The following PDE11A variants were observed in gnomAD, a reference collection of about 807,000 sequenced individuals.
PDE11A encodes dual 3',5'-cyclic-AMP and -GMP phosphodiesterase 11A.
Under a neutral mutation model 100.5 loss-of-function variants are expected in PDE11A, and 100 were observed. The observed-to-expected ratio is 1.00, with a 90% confidence interval of 0.85 to 1.18. The LOEUF (loss-of-function observed/expected upper bound fraction) is 1.18, where lower values mean the gene tolerates loss of function less well. PDE11A is among the 50% of genes most tolerant of loss of function. The pLI, the probability that PDE11A is intolerant of heterozygous loss-of-function variation, is 0.00. For missense variants in PDE11A, 1,141 were observed against 1,152.6 expected, an observed-to-expected ratio of 0.99 and a Z score of 0.15; for synonymous variants, 381 against 420.8, an observed-to-expected ratio of 0.91 and a Z score of 1.16.
chr2:177,762,552 C>T (rs979655854), intron 10 of PDE11A, among the ~76,000 whole-genome samples: 2 of 152,106 alleles, frequency 1.3e-5, no homozygotes, highest in African/African-American at 4.8e-5. Context: ...GACTTGTCGC[C>T]GCTTTGTTCC....
chr2:177,795,012 C>G (rs11683425), intron 9 of PDE11A, among the ~76,000 whole-genome samples: 24,078 of 152,130 alleles, frequency 0.16, 1,951 homozygotes, highest in Non-Finnish European at 0.18. Context: ...GTCTTGAACT[C>G]CTGACCTCAT....
At chr2:177,721,880 G>A (rs7573820) in intron 12 of PDE11A, among the ~76,000 whole-genome samples, 141,810 of 152,132 alleles carry the variant, frequency 0.93, 66,449 homozygotes, top group East Asian at 1. Context: ...TAATTCAGCC[G>A]AAACTAAACT....
chr2:177,912,382 G>C (rs1361057449), intron 2 of PDE11A, among the ~76,000 whole-genome samples: 1 of 152,184 alleles, frequency 6.6e-6, no homozygotes, highest in East Asian at 1.9e-4. Flanking sequence ...CTATCCAGGG[G>C]CAGAGATGCT....
chr2:177,791,046 C>T (rs1265971988), intron 9 of PDE11A, among the ~76,000 whole-genome samples: 1 of 152,032 alleles, frequency 6.6e-6, no homozygotes, highest in Non-Finnish European at 1.5e-5. Flanking sequence ...GGTATATACC[C>T]CAAGGACTAT....
In PDE11A at chr2:177,746,414, T is replaced by A. The variant is rs1233455476; in HGVS notation, c.1789-18242A>T. Reference sequence around the variant, plus strand: ...AAAAAAAAGGAACCTATTGAGGAAATGAAATAACTAAACAAACCAAAATAA... The same window carrying A: ...AAAAAAAAGGAACCTATTGAGGAAAAGAAATAACTAAACAAACCAAAATAA... On this transcript the variant is annotated intron_variant, in intron 10 of 19. Transcript: ENST00000286063. 2.0e-5 allele frequency among the ~76,000 whole-genome samples: 3 copies of A among 151,970 alleles called. No individual in the cohort carries two copies. The East Asian group carries it at 5.8e-4, about 29-fold the overall frequency.
At chr2:177,997,616 C>T (rs1358561461) in intron 2 of PDE11A, 12 of 1,177,928 alleles carry the variant, frequency 1.0e-5, no homozygotes, top group Non-Finnish European at 1.5e-5. Context: ...CTGATATAAA[C>T]TTGCAGGCCT....
chr2:177,884,939 A>G (rs1198119261), intron 4 of PDE11A, among the ~76,000 whole-genome samples: 2 of 152,154 alleles, frequency 1.3e-5, no homozygotes, highest in Non-Finnish European at 2.9e-5. Flanking sequence ...TTTTAGCTTG[A>G]GTTACTTACT....
chr2:178,001,282 G>GTGTA (rs1416556623), intron 2 of PDE11A, among the ~76,000 whole-genome samples: 2 of 149,954 alleles, frequency 1.3e-5, no homozygotes, highest in African/African-American at 4.9e-5. Context: ...GAAAGTGTGT[G>GTGTA]TGTGTGTGTG....
chr2:177,863,402 A>G (rs1190653799), intron 5 of PDE11A, among the ~76,000 whole-genome samples: 2 of 152,070 alleles, frequency 1.3e-5, no homozygotes, highest in African/African-American at 4.8e-5. Flanking sequence ...CAAACTATGT[A>G]TTGGGAACAA....
chr2:177,820,380 A>G, intron 6 of PDE11A, 85 bp from the exon 7 acceptor site: 2 of 815,580 alleles, frequency 2.5e-6, no homozygotes, highest in Non-Finnish European at 4.2e-6. Context: ...CATAACAGAT[A>G]TTCAAAAATA....
At chr2:177,810,297 C>T (rs965758829) in intron 9 of PDE11A, among the ~76,000 whole-genome samples, 1 of 151,988 alleles carries the variant, frequency 6.6e-6, no homozygotes, top group Non-Finnish European at 1.5e-5. Flanking sequence ...TTATTGAGTA[C>T]CAATTATATA....
chr2:178,104,021 T>A (rs1207221451), intron 2 of PDE11A, among the ~76,000 whole-genome samples: 4 of 152,186 alleles, frequency 2.6e-5, no homozygotes, highest in Non-Finnish European at 4.4e-5. Flanking sequence ...TATGATTTTT[T>A]AAAAATCTAG....
chr2:177,947,472 A>C (rs929913858), intron 2 of PDE11A, among the ~76,000 whole-genome samples: 1 of 152,172 alleles, frequency 6.6e-6, no homozygotes, highest in Non-Finnish European at 1.5e-5. Context: ...CTTGCCCCCA[A>C]CCCTGTGCTC....
intron 10 of PDE11A, among the ~76,000 whole-genome samples, chr2:177,733,608 G>T (rs968928414): frequency 1.3e-5 from 2 of 152,196 alleles, no homozygotes; most frequent in African/African-American, 2.4e-5. Flanking sequence ...TCCAGCCTTG[G>T]CAATTCAAAG....
intron 8 of PDE11A, 24 bp from the exon 9 acceptor site, chr2:177,816,945 T>C: frequency 7.1e-7 from 1 of 1,413,232 alleles, no homozygotes; most frequent in Non-Finnish European, 1.0e-6. Context: ...AACCTGCTAA[T>C]TAAACATTGC....
chr2:177,865,375 A>G (rs1483484250), intron 5 of PDE11A, among the ~76,000 whole-genome samples: 1 of 152,228 alleles, frequency 6.6e-6, no homozygotes, highest in Non-Finnish European at 1.5e-5. Context: ...AAGGATTGAT[A>G]AGCATCAAAA....
intron 1 of PDE11A, among the ~76,000 whole-genome samples, chr2:178,055,560 T>C (rs2086889570): frequency 6.6e-6 from 1 of 152,180 alleles, no homozygotes; most frequent in Non-Finnish European, 1.5e-5. Flanking sequence ...ATTGGAAACA[T>C]CACTTGTAGT....
intron 15 of PDE11A, among the ~76,000 whole-genome samples, chr2:177,689,170 C>T (rs1359949250): frequency 2.0e-5 from 3 of 152,170 alleles, no homozygotes; most frequent in Non-Finnish European, 4.4e-5. Flanking sequence ...GCAACCTCCT[C>T]CTCTCGGGTT....
intron 1 of PDE11A, among the ~76,000 whole-genome samples, chr2:178,054,129 T>C (rs901472264): frequency 2.5e-4 from 38 of 152,292 alleles, no homozygotes; most frequent in African/African-American, 8.2e-4. Context: ...CAAAACAGCA[T>C]GGTACTGGTA....
Sources: allele counts gnomAD v4.1 joint callset (sites outside exome capture counted in the v4.1 genomes callset), GRCh38; gene constraint gnomAD v4.1.1; transcripts MANE v1.5; gene names NCBI Gene and HGNC (gene_info 2026-07-23, HGNC 2026-07-21).